The following VAC14 variants were observed in gnomAD, a reference collection of about 807,000 sequenced individuals.
The protein encoded by VAC14 is protein VAC14 homolog.
A neutral mutation model predicts 85.3 loss-of-function variants in VAC14; 47 were observed. The ratio of observed to expected loss-of-function variants is 0.55; its 90% CI spans 0.44 to 0.70. VAC14 has a LOEUF of 0.70. Among genes scored for constraint, VAC14 ranks in the 30% least tolerant of loss-of-function variants. The pLI is 0.00. For synonymous variants in VAC14, 447 were observed against 430.5 expected, an observed-to-expected ratio of 1.04 and a Z score of -0.47; for missense variants, 861 against 1,004.3, an observed-to-expected ratio of 0.86 and a Z score of 1.93.
Position 70,761,016 on chromosome 16 carries a change from T to TGTGTGTGTGTGTGC in VAC14, c.1371+1523_1371+1524insGCACACACACACAC, listed in dbSNP as rs1413571677. ...GTGTGTGTGTGTGTGTGTGTGTGTG[T>TGTGTGTGTGTGTGC]GTGCATGGGGGGGCGGGGGGTAGGC... On this transcript the variant is annotated intron_variant, in intron 12 of 18. Transcript: ENST00000261776. 3.0e-4 allele frequency: 90 copies of TGTGTGTGTGTGTGC among 300,914 alleles called. 4 individuals are homozygous for TGTGTGTGTGTGTGC. The African/African-American group carries it at 3.5e-3, about 12-fold the overall frequency. The allele number at this position is 300,914 out of a possible 1,614,324, so 18.6% of individuals were successfully genotyped here.
intron 1 of VAC14, among the ~76,000 whole-genome samples, chr16:70,796,224 C>A (rs1194390401): frequency 6.6e-6 from 1 of 152,184 alleles, no homozygotes; most frequent in African/African-American, 2.4e-5. Flanking sequence ...TCACTTAACA[C>A]CACACTGGTG....
intron 8 of VAC14, among the ~76,000 whole-genome samples, chr16:70,781,234 A>C (rs117434491): frequency 6.6e-6 from 1 of 152,194 alleles, no homozygotes; most frequent in South Asian, 2.1e-4. Flanking sequence ...TGCCATGACT[A>C]AAAGCTTCCT....
chr16:70,689,737 A>G, intron 18 of VAC14: 7 of 985,578 alleles, frequency 7.1e-6, no homozygotes, highest in Non-Finnish European at 8.4e-6. Context: ...GATCAAAAGC[A>G]GCTGGGCGGG....
rs1276224936 is a variant in VAC14, at chr16:70,726,874, T to C, written c.1661+4621A>G. Among the ~76,000 whole-genome samples, 3 of 152,200 alleles carry C rather than the reference T, an allele frequency of 2.0e-5. No individual in the cohort carries two copies. The East Asian group carries it at 5.8e-4, about 29-fold the overall frequency. The stretch of plus-strand genomic sequence containing the variant: ...TTATGTCCACCAGAAAAGGAGGCTG[T>C]GTGGACACCGACAGGAAGTCCAACC... On this transcript the variant is annotated intron_variant, in intron 14 of 18. Coordinates refer to ENST00000261776, the MANE Select transcript of VAC14 (RefSeq NM_018052.5).
chr16:70,719,003 C>A (rs1233478812), intron 14 of VAC14, among the ~76,000 whole-genome samples: 1 of 152,200 alleles, frequency 6.6e-6, no homozygotes, highest in South Asian at 2.1e-4. Flanking sequence ...CTACCACATG[C>A]CACCCAAAGG....
Position 70,687,924 on chromosome 16 carries a change from C to A in VAC14, c.*4G>T, listed in dbSNP as rs2053527059. The stretch of plus-strand genomic sequence containing the variant: ...TCGGTGGGCCCTCCTCCGTGCCAGG[C>A]CTGTCAGAGGACAACCCTCCGGTCC... On this transcript the variant is annotated 3_prime_UTR_variant, in exon 19 of 19. Transcript: ENST00000261776. 3 of 1,533,262 alleles carry A rather than the reference C, an allele frequency of 2.0e-6. No homozygotes were observed. The highest frequency in any genetic ancestry group is 1.4e-5 in the African/African-American group (1 of 71,978). The allele number at this position is 1,533,262 out of a possible 1,614,324, so 95.0% of individuals were successfully genotyped here.
chr16:70,761,496 G>A (rs1457467256), intron 12 of VAC14, among the ~76,000 whole-genome samples: 1 of 152,254 alleles, frequency 6.6e-6, no homozygotes, highest in Non-Finnish European at 1.5e-5. Flanking sequence ...CGTGCAATGG[G>A]CACGCGCAGC....
chr16:70,766,478 G>A (rs1003863998), intron 10 of VAC14: 1 of 456,740 alleles, frequency 2.2e-6, no homozygotes, highest in African/African-American at 2.0e-5. Context: ...AAGGTATAGG[G>A]CATCTTCAGG....
intron 15 of VAC14, 31 bp from the exon 16 acceptor site, chr16:70,697,288 C>T (rs1480749813): frequency 2.5e-6 from 4 of 1,584,022 alleles, no homozygotes; most frequent in Non-Finnish European, 2.6e-6. Context: ...GCCGTGAGGA[C>T]ACGCCTGCTC....
chr16:70,780,479 A>C (rs2033755752), intron 9 of VAC14, among the ~76,000 whole-genome samples: 1 of 152,184 alleles, frequency 6.6e-6, no homozygotes, highest in Non-Finnish European at 1.5e-5. Flanking sequence ...AAGATGAAGG[A>C]AAGGCTTCAT....
chr16:70,688,103 AGCAGAAAT>A lies in VAC14; in HGVS notation c.2187-21_2187-14del, dbSNP rs770962450. On this transcript the variant is annotated splice_polypyrimidine_tract_variant and intron_variant, in intron 18 of 18. Coordinates refer to ENST00000261776, the MANE Select transcript of VAC14 (RefSeq NM_018052.5). ...CTTTAGACTGTCTCTGGGAAGAGGG[AGCAGAAAT>A]GCTCAGTGTCAGGGATCAGCTCACA... 6.5e-7 allele frequency: 1 copy of A among 1,541,864 alleles called. No homozygotes were observed. Among genetic ancestry groups the A allele is most frequent in the South Asian group, 1.2e-5 (1 of 82,820 alleles).
At chr16:70,786,149 A>G (rs1183263422) in intron 2 of VAC14, 66 bp downstream of exon 2, 1 of 1,577,736 alleles carries the variant, frequency 6.3e-7, no homozygotes, top group Non-Finnish European at 8.6e-7. Context: ...CAGGGAAGGC[A>G]TCGGGATGGC....
intron 1 of VAC14, among the ~76,000 whole-genome samples, chr16:70,797,266 G>GGTA (rs1344955015): frequency 6.6e-6 from 1 of 152,052 alleles, no homozygotes; most frequent in Non-Finnish European, 1.5e-5. Flanking sequence ...TGATGATCCG[G>GGTA]GTAAGTTTTC....
intron 12 of VAC14, among the ~76,000 whole-genome samples, chr16:70,756,779 C>T (rs2031902439): frequency 6.6e-6 from 1 of 152,294 alleles, no homozygotes; most frequent in South Asian, 2.1e-4. Context: ...ACGAAACTTA[C>T]AACAAAAGCT....
At position 70,786,382 on chromosome 16, in the gene VAC14, G is replaced by A. The variant is rs966529826; in HGVS notation, c.105-17C>T. On this transcript the variant is annotated splice_polypyrimidine_tract_variant and intron_variant, in intron 1 of 18. Transcript: ENST00000261776. ...CGGACCAGCCTGGAGAGAGAGGAGA[G>A]AGGGGCTGTGGGAATCAGGCTACCT... The A allele has an allele frequency of 1.2e-6, 2 of 1,611,132 alleles. No individual in the cohort carries two copies. Among genetic ancestry groups the A allele is most frequent in the Middle Eastern group, 1.7e-4 (1 of 6,056 alleles).
intron 13 of VAC14, among the ~76,000 whole-genome samples, chr16:70,740,178 C>A (rs1002311244): frequency 6.6e-6 from 1 of 152,144 alleles, no homozygotes; most frequent in African/African-American, 2.4e-5. Flanking sequence ...CCAGGCTGGT[C>A]TCAAACTCCT....
At chr16:70,744,003 C>T (rs1030898664) in intron 13 of VAC14, among the ~76,000 whole-genome samples, 1 of 152,068 alleles carries the variant, frequency 6.6e-6, no homozygotes, top group Non-Finnish European at 1.5e-5. Context: ...GGGCTGCCTG[C>T]CACGTGCAGT....
chr16:70,752,650 G>C (rs2031478754), intron 12 of VAC14, among the ~76,000 whole-genome samples: 1 of 152,218 alleles, frequency 6.6e-6, no homozygotes, highest in African/African-American at 2.4e-5. Context: ...CTCCCTCCAG[G>C]GCCCCGCTTC....
At chr16:70,770,009 T>C (rs1190427637) in intron 10 of VAC14, 1 of 152,364 alleles carries the variant, frequency 6.6e-6, no homozygotes, top group African/African-American at 2.4e-5. Context: ...AGTCCTCGCA[T>C]GTCTGTCCAG....
Sources: allele counts gnomAD v4.1 joint callset (sites outside exome capture counted in the v4.1 genomes callset), GRCh38; gene constraint gnomAD v4.1.1; transcripts MANE v1.5; gene names NCBI Gene and HGNC (gene_info 2026-07-23, HGNC 2026-07-21).